The following ITPK1 variants were observed in gnomAD, a reference collection of about 807,000 sequenced individuals.
The protein encoded by ITPK1 is inositol 1,3,4-trisphosphate 5/6-kinase.
Under a neutral mutation model 45.3 loss-of-function variants are expected in ITPK1, and 21 were observed. The ratio of observed to expected loss-of-function variants is 0.46; its 90% confidence interval spans 0.33 to 0.67. The LOEUF (loss-of-function observed/expected upper bound fraction) is 0.67. Ranked by LOEUF, ITPK1 falls within the 30% of genes least tolerant of loss-of-function variation. ITPK1 has a pLI of 0.02. For synonymous variants in ITPK1, 258 were observed against 253.6 expected (o/e 1.02, Z -0.16); for missense variants, 474 against 573.5 (o/e 0.83, Z 1.77).
At chr14:93,038,919 C>T (rs1176980327) in intron 3 of ITPK1, among the ~76,000 whole-genome samples, 1 of 152,234 alleles carries the variant, frequency 6.6e-6, no homozygotes, top group Non-Finnish European at 1.5e-5. Context: ...TGGAAAATGG[C>T]ATTTCCTGGA....
chr14:93,110,855 C>T (rs555964931), intron 2 of ITPK1, among the ~76,000 whole-genome samples: 1 of 152,322 alleles, frequency 6.6e-6, no homozygotes, highest in East Asian at 1.9e-4. Context: ...AAGCCCCAGC[C>T]TAACCTGGGC....
intron 4 of ITPK1, among the ~76,000 whole-genome samples, chr14:93,009,330 G>C (rs1854256855): frequency 6.6e-6 from 1 of 152,166 alleles, no homozygotes; most frequent in Non-Finnish European, 1.5e-5. Flanking sequence ...GAAAAACCCT[G>C]ACCGTCCACA....
chr14:93,047,047 C>G (rs1329519364), intron 3 of ITPK1, among the ~76,000 whole-genome samples: 1 of 152,150 alleles, frequency 6.6e-6, no homozygotes, highest in Non-Finnish European at 1.5e-5. Context: ...AAGAGGGGAC[C>G]GAACTGGGAG....
At chr14:93,085,654 G>A (rs374233427) in intron 2 of ITPK1, among the ~76,000 whole-genome samples, 8 of 152,180 alleles carry the variant, frequency 5.3e-5, no homozygotes, top group East Asian at 3.8e-4. Context: ...GAAGTGAGGC[G>A]AGGGCAGGAG....
At chr14:93,080,359 A>C (rs988407219) in intron 2 of ITPK1, among the ~76,000 whole-genome samples, 1 of 152,214 alleles carries the variant, frequency 6.6e-6, no homozygotes, top group Admixed American at 6.5e-5. Context: ...ATGTGCCTAT[A>C]ACATGTTATC....
intron 3 of ITPK1, among the ~76,000 whole-genome samples, chr14:93,049,170 T>G (rs1337655278): frequency 6.6e-6 from 1 of 152,144 alleles, no homozygotes; most frequent in Non-Finnish European, 1.5e-5. Flanking sequence ...AATAACAGAT[T>G]CCATTTGCCC....
intron 5 of ITPK1, among the ~76,000 whole-genome samples, chr14:92,971,589 C>T (rs557834534): frequency 2.6e-5 from 4 of 152,304 alleles, no homozygotes; most frequent in Admixed American, 2.6e-4. Flanking sequence ...GTCAGTAACA[C>T]GCCAAGGAAC....
chr14:93,080,917 G>C (rs1891409966), intron 2 of ITPK1, among the ~76,000 whole-genome samples: 1 of 152,084 alleles, frequency 6.6e-6, no homozygotes, highest in Non-Finnish European at 1.5e-5. Flanking sequence ...TGTATTTTTA[G>C]TAGAGACAAG....
intron 3 of ITPK1, among the ~76,000 whole-genome samples, chr14:93,055,200 A>C: frequency 6.6e-6 from 1 of 152,180 alleles, no homozygotes. Context: ...GTACGTACCC[A>C]TTCTACAGCC....
chr14:93,062,130 G>T (rs1890551065), intron 3 of ITPK1, among the ~76,000 whole-genome samples: 1 of 152,184 alleles, frequency 6.6e-6, no homozygotes, highest in South Asian at 2.1e-4. Flanking sequence ...AATTAGCCAG[G>T]CATGGTGGCG....
chr14:93,012,088 G>A lies in ITPK1; in HGVS notation c.246+4588C>T, dbSNP rs573886725. ...CCCAGCAGAGCCACGTCCTCCCTCCGCAAGGCCATCAGGGCACCCCATGAA... is the reference window on the plus strand; with the variant it reads ...CCCAGCAGAGCCACGTCCTCCCTCCACAAGGCCATCAGGGCACCCCATGAA... On this transcript the variant is annotated intron_variant, in intron 4 of 10. Coordinates refer to ENST00000267615, the MANE Select transcript of ITPK1 (RefSeq NM_014216.6). This position sits in a 1 kb window ranked among gnomAD's most constrained non-coding sequence, Gnocchi z 4.9. Among the ~76,000 whole-genome samples the A allele has an allele frequency of 1.1e-4, 16 of 152,160 alleles. No homozygotes were observed. Among genetic ancestry groups the A allele is most frequent in the South Asian group, 8.3e-4 (4 of 4,820 alleles).
chr14:93,003,791 C>G (rs1887475025), intron 4 of ITPK1, among the ~76,000 whole-genome samples: 1 of 152,212 alleles, frequency 6.6e-6, no homozygotes, highest in African/African-American at 2.4e-5. Flanking sequence ...GCGCGTGGGT[C>G]CTGGGGCACT....
intron 4 of ITPK1, among the ~76,000 whole-genome samples, chr14:93,013,009 G>A (rs1021515182): frequency 2.0e-5 from 3 of 152,068 alleles, no homozygotes; most frequent in Admixed American, 6.5e-5. Flanking sequence ...GAGAAGGCTC[G>A]TGTTGCCCCC....
chr14:93,003,094 ACAGGAGGGCTCC>A (rs1320752642), intron 4 of ITPK1, among the ~76,000 whole-genome samples: 1 of 152,210 alleles, frequency 6.6e-6, no homozygotes, highest in African/African-American at 2.4e-5. Flanking sequence ...GCACTTATGC[ACAGGAGGGCTCC>A]CAAGGCAGCT....
At chr14:93,017,592 C>A (rs543570450) in intron 3 of ITPK1, among the ~76,000 whole-genome samples, 1 of 152,352 alleles carries the variant, frequency 6.6e-6, no homozygotes, top group Admixed American at 6.5e-5. Flanking sequence ...CCTGACCCGC[C>A]ACATGTCTCC....
chr14:92,949,100 T>C (rs1172527143), intron 9 of ITPK1, among the ~76,000 whole-genome samples: 7 of 151,728 alleles, frequency 4.6e-5, no homozygotes, highest in African/African-American at 1.5e-4. Context: ...TTTCTTTTTT[T>C]TTTTTTCTTT....
rs1345460201 is a variant in ITPK1 at position 93,110,981 on chromosome 14, C to T, written c.95+4088G>A. Among the ~76,000 whole-genome samples, 8 of 152,198 alleles carry T rather than the reference C, an allele frequency of 5.3e-5. No individual in the cohort carries two copies. In the South Asian group the frequency reaches 1.7e-3, roughly 32 times the overall value. ...TCCCGGAGCCTCTGTTTCCTCATCC[C>T]TCCATCCCAACGAGGGATGTCCTCA... On this transcript the variant is annotated intron_variant, in intron 2 of 10. Coordinates refer to ENST00000267615, the MANE Select transcript of ITPK1 (RefSeq NM_014216.6).
intron 2 of ITPK1, among the ~76,000 whole-genome samples, chr14:93,077,394 T>C (rs1396713621): frequency 1.3e-5 from 2 of 152,168 alleles, no homozygotes; most frequent in African/African-American, 4.8e-5. Context: ...CTCAGCTCAC[T>C]ACAACCTCCG....
Position 93,017,607 on chromosome 14 carries a change from C to T in ITPK1, c.121-806G>A, listed in dbSNP as rs563354020. On this transcript the variant is annotated intron_variant, in intron 3 of 10. Coordinates refer to ENST00000267615, the MANE Select transcript of ITPK1 (RefSeq NM_014216.6). The stretch of plus-strand genomic sequence containing the variant: ...CCTGACCCGCCACATGTCTCCCTCC[C>T]GGCACGCGGCCACCACCACCTGCAA... Among the ~76,000 whole-genome samples, 57 of 152,336 alleles carry T rather than the reference C, an allele frequency of 3.7e-4. 1 individual carries two copies. In the East Asian group the frequency reaches 0.01, roughly 28 times the overall value.
Sources: gnomAD v4.1 joint callset for allele counts (sites outside exome capture counted in the v4.1 genomes callset) on GRCh38, gnomAD v4.1.1 for gene constraint, Gnocchi (gnomAD v3.1) non-coding constraint, MANE v1.5 for transcripts, NCBI Gene and HGNC (gene_info 2026-07-23, HGNC 2026-07-21) for gene names.